ACSS3: variants seen among roughly 807,000 people sequenced by gnomAD.
The protein encoded by ACSS3 is acyl-CoA synthetase short-chain family member 3, mitochondrial.
ACSS3 carries 64 observed loss-of-function variants against 84.2 expected under a neutral mutation model. The observed-to-expected ratio is 0.76, with a 90% CI of 0.62 to 0.94. ACSS3 has a LOEUF of 0.94. ACSS3 is among the 40% of genes least tolerant of loss of function. The probability of loss-of-function intolerance (pLI) is 0.00; values close to 1 mark genes in which losing one functional copy is unlikely to be tolerated. For synonymous variants in ACSS3, 317 were observed against 310.1 expected, an observed-to-expected ratio of 1.02 and a Z score of -0.23; for missense variants, 815 against 867.6, an observed-to-expected ratio of 0.94 and a Z score of 0.76.
At chr12:81,119,061 A>G (rs1295486240) in intron 2 of ACSS3, among the ~76,000 whole-genome samples, 1 of 152,148 alleles carries the variant, frequency 6.6e-6, no homozygotes. Flanking sequence ...ATAAAGAGAA[A>G]GAGTACAAAG....
chr12:81,241,507 G>C (rs1000906323), intron 13 of ACSS3, among the ~76,000 whole-genome samples: 18 of 152,218 alleles, frequency 1.2e-4, no homozygotes, highest in East Asian at 5.8e-4. Context: ...GTTGTTTCCT[G>C]ACTTTTTAGT....
chr12:81,215,554 G>A (rs1163500948), intron 9 of ACSS3, among the ~76,000 whole-genome samples: 2 of 152,148 alleles, frequency 1.3e-5, no homozygotes, highest in Non-Finnish European at 2.9e-5. Context: ...GCCCATGGTA[G>A]AAGGAACACA....
At chr12:81,225,508 C>A (rs2033244219) in intron 11 of ACSS3, among the ~76,000 whole-genome samples, 1 of 151,904 alleles carries the variant, frequency 6.6e-6, no homozygotes, top group South Asian at 2.1e-4. Context: ...CTATTTCCAG[C>A]AGGTCCACAC....
Position 81,134,068 on chromosome 12 carries a change from A to G in ACSS3, c.457-748A>G, listed in dbSNP as rs549279267. Among the ~76,000 whole-genome samples the G allele has an allele frequency of 3.8e-3, 574 of 150,740 alleles. 7 individuals carry two copies. The highest frequency in any genetic ancestry group is 0.014 in the African/African-American group (559 of 41,356). ...AGACATTTATATGTTGAGGTCTCAAAAACAGAAAAAAAAAAAGAACTGTGT... is the reference window on the plus strand; with the variant it reads ...AGACATTTATATGTTGAGGTCTCAAGAACAGAAAAAAAAAAAGAACTGTGT... On this transcript the variant is annotated intron_variant, in intron 2 of 15. Transcript: ENST00000548058.
In ACSS3 at chr12:81,254,922, A is replaced by T; in HGVS notation, c.2061A>T (p.Ter687TyrextTer1). 1 of 1,599,492 alleles carries T rather than the reference A, an allele frequency of 6.3e-7. No individual in the cohort carries two copies. Among genetic ancestry groups the T allele is most frequent in the South Asian group, 1.1e-5 (1 of 88,260 alleles). The change falls in exon 16 of 16, where the codon TAA becomes TAT. Residue 687 changes from the stop codon to tyrosine (Y), a stop_lost. Coordinates refer to ENST00000548058, the MANE Select transcript of ACSS3 (RefSeq NM_024560.4). ...TAGAAGAAATGCTGAAGCAAGCATAATGAGTTTGTCTTATTCCTATTTTGA... is the reference window on the plus strand; with the variant it reads ...TAGAAGAAATGCTGAAGCAAGCATATTGAGTTTGTCTTATTCCTATTTTGA... ...GHVEEMLKQA[*>Y]
At chr12:81,119,817 A>C (rs144509855) in intron 2 of ACSS3, among the ~76,000 whole-genome samples, 2 of 152,362 alleles carry the variant, frequency 1.3e-5, no homozygotes, top group African/African-American at 4.8e-5. Context: ...CAATTTGTAC[A>C]GTTAACACAA....
At chr12:81,122,907 T>C (rs760997420) in intron 2 of ACSS3, among the ~76,000 whole-genome samples, 1 of 152,200 alleles carries the variant, frequency 6.6e-6, no homozygotes, top group African/African-American at 2.4e-5. Flanking sequence ...AATTGTGTTA[T>C]GTTTTAAAAA....
chr12:81,130,016 A>C (rs1355860393), intron 2 of ACSS3, among the ~76,000 whole-genome samples: 5 of 152,126 alleles, frequency 3.3e-5, no homozygotes, highest in Admixed American at 1.3e-4. Flanking sequence ...TTCTTAATCC[A>C]ATCTATCATT....
chr12:81,145,799 G>A (rs918942696), intron 5 of ACSS3, among the ~76,000 whole-genome samples: 2 of 152,162 alleles, frequency 1.3e-5, no homozygotes, highest in Non-Finnish European at 2.9e-5. Context: ...GTCAAGAGTT[G>A]GTGATGAGAG....
At chr12:81,187,886 G>A (rs191037096) in intron 8 of ACSS3, among the ~76,000 whole-genome samples, 4 of 151,774 alleles carry the variant, frequency 2.6e-5, no homozygotes, top group African/African-American at 7.2e-5. Context: ...TCAAGGTTAC[G>A]CAGGTAAGCC....
chr12:81,132,864 C>G (rs1315358622), intron 2 of ACSS3, among the ~76,000 whole-genome samples: 1 of 152,046 alleles, frequency 6.6e-6, no homozygotes, highest in Non-Finnish European at 1.5e-5. Context: ...AGTGTGGTAC[C>G]TTAAATGATG....
At chr12:81,112,617 G>A (rs1296275137) in intron 2 of ACSS3, among the ~76,000 whole-genome samples, 1 of 152,142 alleles carries the variant, frequency 6.6e-6, no homozygotes, top group Non-Finnish European at 1.5e-5. Flanking sequence ...AAGTACTAAA[G>A]GAAGAACTGT....
chr12:81,163,771 G>T (rs577490299), intron 7 of ACSS3, among the ~76,000 whole-genome samples: 260 of 152,200 alleles, frequency 1.7e-3, no homozygotes, highest in African/African-American at 6.1e-3. Flanking sequence ...AAAGTTTAAA[G>T]TTTTTTAAAA....
intron 5 of ACSS3, among the ~76,000 whole-genome samples, chr12:81,148,195 C>T (rs988800926): frequency 2.0e-5 from 3 of 151,876 alleles, no homozygotes; most frequent in Non-Finnish European, 2.9e-5. Context: ...ATGAAGAATC[C>T]CAAATTCTTA....
chr12:81,184,686 T>C (rs2031150412), intron 8 of ACSS3, among the ~76,000 whole-genome samples: 1 of 151,546 alleles, frequency 6.6e-6, no homozygotes, highest in Admixed American at 6.6e-5. Flanking sequence ...ATGGATAAAT[T>C]CCTAGAAAAA....
intron 2 of ACSS3, chr12:81,117,898 T>C (rs988204967): frequency 1.3e-5 from 2 of 152,186 alleles, no homozygotes; most frequent in Admixed American, 1.3e-4. Context: ...ATGTTTCTGG[T>C]CTTGGATCCC....
At chr12:81,245,744 T>G (rs2033963336) in intron 13 of ACSS3, among the ~76,000 whole-genome samples, 1 of 152,222 alleles carries the variant, frequency 6.6e-6, no homozygotes, top group African/African-American at 2.4e-5. Context: ...TGGTTTTCCC[T>G]GTGAACTTCC....
At chr12:81,202,262 G>A (rs990646343) in intron 9 of ACSS3, among the ~76,000 whole-genome samples, 9 of 151,848 alleles carry the variant, frequency 5.9e-5, no homozygotes, top group Non-Finnish European at 1.2e-4. Flanking sequence ...CTGGGTGATA[G>A]AGCGAGACTC....
At chr12:81,125,607 T>C (rs557426118) in intron 2 of ACSS3, 11 of 152,344 alleles carry the variant, frequency 7.2e-5, no homozygotes, top group African/African-American at 2.2e-4. Context: ...GCCTTCTTTT[T>C]CCATTTTACA....
Sources: gnomAD v4.1 joint callset for allele counts (sites outside exome capture counted in the v4.1 genomes callset) on GRCh38, gnomAD v4.1.1 for gene constraint, MANE v1.5 for transcripts, NCBI Gene and HGNC (gene_info 2026-07-23, HGNC 2026-07-21) for gene names.